NALF1: variants seen among roughly 807,000 people sequenced by gnomAD.
NALF1 encodes family with sequence similarity 155 member A.
NALF1 carries 3 observed loss-of-function variants against 48.4 expected under a neutral mutation model. The observed-to-expected ratio is 0.06, with a 90% CI of 0.03 to 0.16. The LOEUF (loss-of-function observed/expected upper bound fraction) is 0.16. Among genes scored for constraint, NALF1 ranks in the 10% least tolerant of loss-of-function variants. The pLI is 1.00. For missense variants in NALF1, 526 were observed against 571.5 expected (o/e 0.92, Z 0.81); for synonymous variants, 262 against 245.7 (o/e 1.07, Z -0.62).
chr13:107,233,815 A>T (rs1420032784), intron 1 of NALF1, among the ~76,000 whole-genome samples: 1 of 152,218 alleles, frequency 6.6e-6, no homozygotes, highest in East Asian at 1.9e-4. Flanking sequence ...AGAGAGGAAA[A>T]GCTTAAAATA....
At chr13:107,448,117 C>T (rs750842532) in intron 1 of NALF1, among the ~76,000 whole-genome samples, 6 of 152,142 alleles carry the variant, frequency 3.9e-5, no homozygotes, top group Non-Finnish European at 7.3e-5. Context: ...CCCTGCCTCT[C>T]AGTCAGGCTT....
At chr13:107,266,536 C>T (rs1881042411) in intron 1 of NALF1, among the ~76,000 whole-genome samples, 1 of 152,120 alleles carries the variant, frequency 6.6e-6, no homozygotes, top group Non-Finnish European at 1.5e-5. Flanking sequence ...TTTTGGCCTT[C>T]ATTCTGTAGA....
intron 1 of NALF1, among the ~76,000 whole-genome samples, chr13:107,642,307 A>G (rs1880181451): frequency 6.6e-6 from 1 of 152,208 alleles, no homozygotes; most frequent in African/African-American, 2.4e-5. Context: ...AATATTGGCT[A>G]TGCCCACACA....
intron 1 of NALF1, among the ~76,000 whole-genome samples, chr13:107,577,454 G>T (rs774201153): frequency 6.7e-6 from 1 of 148,994 alleles, no homozygotes; most frequent in Non-Finnish European, 1.5e-5. Flanking sequence ...ATAGGTTTGG[G>T]AGAGAAAGCT....
chr13:107,271,139 C>A (rs1881156272), intron 1 of NALF1, among the ~76,000 whole-genome samples: 1 of 152,078 alleles, frequency 6.6e-6, no homozygotes, highest in African/African-American at 2.4e-5. Flanking sequence ...GCTCCATGAC[C>A]TCTACCACTG....
intron 1 of NALF1, among the ~76,000 whole-genome samples, chr13:107,502,993 G>A (rs1875569297): frequency 6.6e-6 from 1 of 152,166 alleles, no homozygotes; most frequent in South Asian, 2.1e-4. Context: ...AGCTTTGAGA[G>A]CACTCTTGCA....
intron 1 of NALF1, among the ~76,000 whole-genome samples, chr13:107,487,732 G>T (rs1885352409): frequency 6.6e-6 from 1 of 152,138 alleles, no homozygotes; most frequent in Non-Finnish European, 1.5e-5. Context: ...ATATTGGCCT[G>T]AAGTTTTCTT....
At chr13:107,422,380 G>C (rs1884203557) in intron 1 of NALF1, among the ~76,000 whole-genome samples, 1 of 152,034 alleles carries the variant, frequency 6.6e-6, no homozygotes. Flanking sequence ...ACCACACTTT[G>C]TTTTAAACTA....
chr13:107,307,424 T>C (rs1296260482), intron 1 of NALF1, among the ~76,000 whole-genome samples: 2 of 152,118 alleles, frequency 1.3e-5, no homozygotes, highest in Non-Finnish European at 2.9e-5. Flanking sequence ...AATGGGAGGA[T>C]CATATTTTCT....
chr13:107,753,134 C>T (rs558611167), intron 1 of NALF1, among the ~76,000 whole-genome samples: 1 of 152,232 alleles, frequency 6.6e-6, no homozygotes, highest in Non-Finnish European at 1.5e-5. Flanking sequence ...CTCTCTAATG[C>T]TCCTTGCAGC....
chr13:107,653,319 C>G (rs1022039400), intron 1 of NALF1, among the ~76,000 whole-genome samples: 1 of 149,678 alleles, frequency 6.7e-6, no homozygotes, highest in Non-Finnish European at 1.5e-5. Context: ...TTGGGAGTTA[C>G]CCTACAGGGA....
At chr13:107,424,379 C>T (rs940109957) in intron 1 of NALF1, among the ~76,000 whole-genome samples, 6 of 152,118 alleles carry the variant, frequency 3.9e-5, no homozygotes, top group Non-Finnish European at 7.3e-5. Flanking sequence ...AACAAGCAAT[C>T]CGCCCCACTC....
intron 1 of NALF1, among the ~76,000 whole-genome samples, chr13:107,476,493 T>C (rs1885178644): frequency 6.6e-6 from 1 of 152,158 alleles, no homozygotes; most frequent in African/African-American, 2.4e-5. Flanking sequence ...AGTTGTATTA[T>C]TAAATCTATC....
chr13:107,512,205 T>G (rs1875915083), intron 1 of NALF1, among the ~76,000 whole-genome samples: 1 of 152,096 alleles, frequency 6.6e-6, no homozygotes, highest in African/African-American at 2.4e-5. Flanking sequence ...CCATCCTGGC[T>G]AACATGGTGA....
At chr13:107,351,162 T>C (rs1882865032) in intron 1 of NALF1, among the ~76,000 whole-genome samples, 2 of 152,176 alleles carry the variant, frequency 1.3e-5, no homozygotes, top group Admixed American at 1.3e-4. Flanking sequence ...GTTCTAGAGA[T>C]CTGTTATGCA....
intron 1 of NALF1, among the ~76,000 whole-genome samples, chr13:107,427,563 T>C (rs999885868): frequency 9.9e-5 from 15 of 152,178 alleles, no homozygotes; most frequent in Non-Finnish European, 2.1e-4. Flanking sequence ...TAACTTTTCA[T>C]GGGAAGAAAA....
At chr13:107,383,582 GA>G (rs563285537) in intron 1 of NALF1, among the ~76,000 whole-genome samples, 77 of 145,816 alleles carry the variant, frequency 5.3e-4, no homozygotes, top group African/African-American at 1.2e-3. Flanking sequence ...TGCTTAAAAA[GA>G]AAAAAAAAAG....
chr13:107,677,189 G>C (rs1881154570), intron 1 of NALF1, among the ~76,000 whole-genome samples: 1 of 152,184 alleles, frequency 6.6e-6, no homozygotes, highest in African/African-American at 2.4e-5. Flanking sequence ...TGAGACTATA[G>C]TCGCACATCA....
chr13:107,841,296 A>G (rs577752031), intron 1 of NALF1, among the ~76,000 whole-genome samples: 1 of 152,294 alleles, frequency 6.6e-6, no homozygotes, highest in South Asian at 2.1e-4. Context: ...ACTACTGGCT[A>G]AAGAGCTTGC....
Sources: allele counts gnomAD v4.1 joint callset (sites outside exome capture counted in the v4.1 genomes callset), GRCh38; gene constraint gnomAD v4.1.1; transcripts MANE v1.5; gene names NCBI Gene and HGNC (gene_info 2026-07-23, HGNC 2026-07-21).